NCOR1: variants seen among roughly 807,000 people sequenced by gnomAD.
NCOR1 encodes the protein protein phosphatase 1, regulatory subunit 109.
In NCOR1, 63 loss-of-function variants were observed where a neutral mutation model predicts 288.1. The ratio of observed to expected loss-of-function variants is 0.22; its 90% CI spans 0.18 to 0.27. NCOR1 has a LOEUF of 0.27. Among genes scored for constraint, NCOR1 ranks in the 10% least tolerant of loss-of-function variants. NCOR1 has a pLI of 1.00. For synonymous variants in NCOR1, 1,007 were observed against 1,065.9 expected (o/e 0.94, Z 1.08); for missense variants, 2,397 against 3,019.2 (o/e 0.79, Z 4.83).
At chr17:16,213,288 T>C (rs1264830397) in intron 1 of NCOR1, among the ~76,000 whole-genome samples, 1 of 151,332 alleles carries the variant, frequency 6.6e-6, no homozygotes, top group African/African-American at 2.4e-5. Flanking sequence ...GTCAGGAGAT[T>C]GAGACCATCC....
intron 1 of NCOR1, among the ~76,000 whole-genome samples, chr17:16,199,560 G>C (rs1600454453): frequency 6.6e-6 from 1 of 151,992 alleles, no homozygotes; most frequent in Non-Finnish European, 1.5e-5. Flanking sequence ...CTTCACTCTA[G>C]TCCTGGCTCA....
chr17:16,129,424 G>A (rs2075266842), intron 14 of NCOR1, among the ~76,000 whole-genome samples: 1 of 152,142 alleles, frequency 6.6e-6, no homozygotes, highest in South Asian at 2.1e-4. Context: ...TCCTTCACTT[G>A]CTTTATCTGA....
chr17:16,164,243 G>GAAA (rs34172004), intron 5 of NCOR1, among the ~76,000 whole-genome samples: 5 of 138,928 alleles, frequency 3.6e-5, no homozygotes, highest in Non-Finnish European at 6.2e-5. Flanking sequence ...TCCAAATCTG[G>GAAA]AAAAAAAAAA....
chr17:16,167,663 C>T (rs2082265992), intron 4 of NCOR1, among the ~76,000 whole-genome samples: 1 of 151,686 alleles, frequency 6.6e-6, no homozygotes, highest in Non-Finnish European at 1.5e-5. Context: ...AGTTCGAGAC[C>T]AGCCTGGCCA....
chr17:16,205,116 A>G (rs1037145118), intron 1 of NCOR1, among the ~76,000 whole-genome samples: 4 of 152,186 alleles, frequency 2.6e-5, no homozygotes, highest in African/African-American at 9.6e-5. Flanking sequence ...GCTACTCAGG[A>G]GGCTAAGGCA....
chr17:16,148,845 T>C (rs1273959621), intron 9 of NCOR1, among the ~76,000 whole-genome samples: 2 of 152,104 alleles, frequency 1.3e-5, no homozygotes, highest in African/African-American at 2.4e-5. Context: ...TTGATGTCGA[T>C]TTAAAGAGTA....
In NCOR1 at chr17:16,138,305, C is replaced by T; in HGVS notation, c.1353-93G>A. 3.5e-6 allele frequency: 4 copies of T among 1,134,920 alleles called. No individual in the cohort carries two copies. The South Asian group carries it at 4.3e-5, about 12-fold the overall frequency. The allele number at this position is 1,134,920 out of a possible 1,614,324, so 70.3% of individuals were successfully genotyped here. ...TGGGAAAAGAAAGACTATGTATAGGCTGGGCGTGGTGGCTCATGCCTGTAA... is the reference window on the plus strand; with the variant it reads ...TGGGAAAAGAAAGACTATGTATAGGTTGGGCGTGGTGGCTCATGCCTGTAA... On this transcript the variant is annotated intron_variant, in intron 12 of 45. Transcript: ENST00000268712.
intron 18 of NCOR1, 33 bp downstream of exon 18, chr17:16,117,855 G>C (rs777843965): frequency 6.3e-7 from 1 of 1,597,874 alleles, no homozygotes; most frequent in Non-Finnish European, 8.5e-7. Context: ...GTAAAAAACA[G>C]TAAGTAAAGA....
Position 16,092,647 on chromosome 17 carries a change from T to TTATTTA in NCOR1, c.2821-590_2821-589insTAAATA, listed in dbSNP as rs1555628451. ...CTCTTTCACCAGGGATCAGATCCAT[T>TTATTTA]TATATATATATATATATATATATAT... On this transcript the variant is annotated intron_variant, in intron 21 of 45. Transcript: ENST00000268712. Among the ~76,000 whole-genome samples, 46 of 32,132 alleles carry TTATTTA rather than the reference T, an allele frequency of 1.4e-3. 1 individual carries two copies. The highest frequency in any genetic ancestry group is 6.4e-3 in the East Asian group (6 of 938). 21.1% of individuals were successfully genotyped at this position (32,132 alleles called of 152,430 possible). A position where few individuals can be genotyped will look rare whatever the true frequency, so the allele number is the denominator to read the frequency against.
At chr17:16,092,686 TATATATATA>T (rs1352017523) in intron 21 of NCOR1, among the ~76,000 whole-genome samples, 794 of 14,960 alleles carry the variant, frequency 0.053, 23 homozygotes, top group Middle Eastern at 0.1. Context: ...TATATATATA[TATATATATA>T]TTTTTTTTTT....
intron 31 of NCOR1, 113 bp from the exon 32 acceptor site, chr17:16,068,234 C>G (rs1028321464): frequency 2.3e-6 from 2 of 859,544 alleles, no homozygotes; most frequent in South Asian, 3.3e-5. Flanking sequence ...TGGATCTTCT[C>G]TTTCCACTCA....
Position 16,101,516 on chromosome 17 carries a change from A to C in NCOR1, c.2424T>G (p.Gly808=). Residue 808 remains glycine (G), a synonymous_variant, in exon 20 of 46, where the codon GGT becomes GGG. Transcript: ENST00000268712. ...TAGCGGGTGGGGGATCACAAACAGA[A>C]CCCTCTTCAGCACTGTGCTCCTGCT... ...VDQQEHSAEE[G]SVCDPPPATK... 6.2e-7 allele frequency: 1 copy of C among 1,613,872 alleles called. No homozygotes were observed. Among genetic ancestry groups the C allele is most frequent in the South Asian group, 1.1e-5 (1 of 91,044 alleles).
At chr17:16,091,781 C>T in intron 22 of NCOR1, 82 bp downstream of exon 22, 2 of 1,592,848 alleles carry the variant, frequency 1.3e-6, no homozygotes, top group Non-Finnish European at 1.7e-6. Context: ...TGACAACTTA[C>T]AAAGCACAAT....
At chr17:16,087,032 T>C (rs766033265) in intron 22 of NCOR1, 2 of 544,554 alleles carry the variant, frequency 3.7e-6, no homozygotes, top group Non-Finnish European at 5.7e-6. Context: ...CAACTGATGA[T>C]GGAACGCAGA....
chr17:16,127,651 GTATATATACATA>G (rs1345112120), intron 14 of NCOR1, among the ~76,000 whole-genome samples: 2 of 142,180 alleles, frequency 1.4e-5, no homozygotes, highest in Non-Finnish European at 3.0e-5. Flanking sequence ...ATGTGTATGT[GTATATATACATA>G]TATGTATATA....
At position 16,146,540 on chromosome 17, in the gene NCOR1, T is replaced by A. The variant is rs1190195099; in HGVS notation, c.918A>T (p.Lys306Asn). 6.3e-7 allele frequency: 1 copy of A among 1,582,296 alleles called. No homozygotes were observed. The highest frequency in any genetic ancestry group is 8.5e-7 in the Non-Finnish European group (1 of 1,169,902). The change falls in exon 10 of 46, where the codon AAA (lysine) becomes AAT (asparagine). Residue 306 changes from lysine (K) to asparagine (N), a missense_variant. By Grantham distance (94) the Lys-to-Asn change is moderately conservative. Around this residue, in one of 11 missense-constraint regions of NCOR1, gnomAD observed 51 missense variants for 127.6 expected, o/e 0.40. Transcript: ENST00000268712. ...RNHARKQREQ[K>N]ICQRYDQLME... is the part of the protein sequence containing the mutation. ...TGAGCTGATCATAACGCTGGCAGAT[T>A]TTTTGTTCCTATTAAATATCCGTAG...
chr17:16,185,809 T>C (rs1247950190), intron 3 of NCOR1, among the ~76,000 whole-genome samples: 1 of 134,946 alleles, frequency 7.4e-6, no homozygotes, highest in African/African-American at 2.8e-5. Context: ...CTACAAAAAA[T>C]ACAAAAAATT....
chr17:16,205,644 A>G (rs1354058396), intron 1 of NCOR1, among the ~76,000 whole-genome samples: 3 of 23,140 alleles, frequency 1.3e-4, no homozygotes, highest in Admixed American at 3.6e-4. Flanking sequence ...AGAAAAGAAG[A>G]AAAAAAAAAA....
chr17:16,093,130 T>C (rs1303421913), intron 21 of NCOR1, among the ~76,000 whole-genome samples: 1 of 152,214 alleles, frequency 6.6e-6, no homozygotes, highest in Admixed American at 6.5e-5. Context: ...CAACTCCACT[T>C]GGGATATCTC....
Sources: allele counts gnomAD v4.1 joint callset (sites outside exome capture counted in the v4.1 genomes callset), GRCh38; gene constraint gnomAD v4.1.1; regional missense constraint gnomAD v4.1.1; transcripts MANE v1.5; gene names NCBI Gene and HGNC (gene_info 2026-07-23, HGNC 2026-07-21).